The following ANK3 variants were observed in gnomAD, a reference collection of about 807,000 sequenced individuals.
ANK3 encodes the protein ankyrin 3, also known as ankyrin-3.
ANK3 carries 57 observed loss-of-function variants against 370.9 expected under a neutral mutation model. That is an observed-to-expected ratio of 0.15 (90% confidence interval 0.12 to 0.19). ANK3 has a LOEUF of 0.19. Ranked by LOEUF, ANK3 falls within the 10% of genes least tolerant of loss-of-function variation. The probability of loss-of-function intolerance (pLI) is 1.00; values close to 1 mark genes in which losing one functional copy is unlikely to be tolerated. For synonymous variants in ANK3, 1,929 were observed against 1,946.3 expected (o/e 0.99, Z 0.23); for missense variants, 4,439 against 5,302.1 (o/e 0.84, Z 5.06).
rs2072598010 is a variant in ANK3 at position 60,028,637 on chromosome 10, C to T, written c.*1209G>A. 6.6e-6 allele frequency: 1 copy of T among 152,560 alleles called. No individual in the cohort carries two copies. The highest frequency in any genetic ancestry group is 1.5e-5 in the Non-Finnish European group (1 of 68,024). 9.5% of individuals were successfully genotyped at this position (152,560 alleles called of 1,614,324 possible). Reference sequence around the variant, plus strand: ...AGAATGGTTACAAATGATTGGCTTACTGAAAGGTGTCTACATCTTATAGCC... The same window carrying T: ...AGAATGGTTACAAATGATTGGCTTATTGAAAGGTGTCTACATCTTATAGCC... On this transcript the variant is annotated 3_prime_UTR_variant, in exon 44 of 44. Transcript: ENST00000280772.
At chr10:60,361,049 A>T (rs967045699) in intron 1 of ANK3, among the ~76,000 whole-genome samples, 1 of 152,210 alleles carries the variant, frequency 6.6e-6, no homozygotes, top group African/African-American at 2.4e-5. Flanking sequence ...AATCTTTACT[A>T]GTCTGAAAAC....
At chr10:60,406,653 G>A (rs894398966) in intron 2 of ANK3, among the ~76,000 whole-genome samples, 2 of 152,204 alleles carry the variant, frequency 1.3e-5, no homozygotes, top group African/African-American at 4.8e-5. Context: ...CAGCCCGGGG[G>A]CTGAGGGCTC....
Position 60,477,582 on chromosome 10 carries a change from G to A in ANK3, c.96+137604C>T, listed in dbSNP as rs533721087. ...ACACCAGGTAGCATGAAGAATAGTG[G>A]AAAACAAAGTGTTACAGGGCTATTA... On this transcript the variant is annotated intron_variant, in intron 2 of 43. Transcript: ENST00000373827. Among the ~76,000 whole-genome samples, 856 of 145,616 alleles carry A rather than the reference G, an allele frequency of 5.9e-3. 4 individuals are homozygous for A. Among genetic ancestry groups the A allele is most frequent in the Middle Eastern group, 0.011 (3 of 272 alleles).
At chr10:60,212,887 A>ATT (rs1358925714) in intron 9 of ANK3, among the ~76,000 whole-genome samples, 1 of 152,150 alleles carries the variant, frequency 6.6e-6, no homozygotes. Flanking sequence ...AAAAGTCTAA[A>ATT]AGAGAGTCAA....
At chr10:60,707,111 A>G (rs1245408263) in intron 1 of ANK3, among the ~76,000 whole-genome samples, 1 of 152,202 alleles carries the variant, frequency 6.6e-6, no homozygotes, top group East Asian at 1.9e-4. Context: ...GCCAAAAAAT[A>G]ATTTTTAAAA....
intron 23 of ANK3, 112 bp downstream of exon 23, chr10:60,166,479 C>T: frequency 1.2e-6 from 1 of 803,756 alleles, no homozygotes; most frequent in South Asian, 1.7e-5. Flanking sequence ...TTAATAATCT[C>T]AAGATAATAT....
chr10:60,211,792 T>C (rs757234836), intron 9 of ANK3, among the ~76,000 whole-genome samples: 3 of 148,570 alleles, frequency 2.0e-5, no homozygotes, highest in Non-Finnish European at 3.0e-5. Flanking sequence ...TGCCACCTGA[T>C]CAGCACTGCC....
chr10:60,556,952 G>A (rs1405913688), intron 2 of ANK3, among the ~76,000 whole-genome samples: 1 of 152,194 alleles, frequency 6.6e-6, no homozygotes, highest in African/African-American at 2.4e-5. Context: ...AACTGTGCAA[G>A]CGAGGGCTCT....
chr10:60,720,791 T>G (rs548272080), intron 1 of ANK3, among the ~76,000 whole-genome samples: 1 of 152,246 alleles, frequency 6.6e-6, no homozygotes, highest in East Asian at 1.9e-4. Context: ...TTTTGTATTT[T>G]TTGTAGAGAT....
intron 28 of ANK3, among the ~76,000 whole-genome samples, chr10:60,095,068 CTG>C (rs1357549219): frequency 1.3e-5 from 2 of 152,262 alleles, no homozygotes; most frequent in African/African-American, 4.8e-5. Context: ...CACACCCTGA[CTG>C]TGGGCCGCAT....
chr10:60,061,947 A>G (rs1405116876), intron 40 of ANK3: 1 of 152,096 alleles, frequency 6.6e-6, no homozygotes, highest in East Asian at 1.9e-4. Context: ...CTGCCTCCAC[A>G]CCATCATCAA....
At chr10:60,539,197 A>G (rs2076791075) in intron 2 of ANK3, among the ~76,000 whole-genome samples, 1 of 152,002 alleles carries the variant, frequency 6.6e-6, no homozygotes, top group East Asian at 1.9e-4. Context: ...ATCTTGAAAT[A>G]GAAATCTATG....
chr10:60,279,807 A>C (rs747127398), intron 1 of ANK3, among the ~76,000 whole-genome samples, 168 bp from the exon 2 acceptor site: 2 of 152,228 alleles, frequency 1.3e-5, no homozygotes, highest in African/African-American at 4.8e-5. Flanking sequence ...CACATTTTTT[A>C]AAAGTTAGTT....
At chr10:60,689,249 A>G (rs1470951563) in intron 1 of ANK3, among the ~76,000 whole-genome samples, 1 of 152,142 alleles carries the variant, frequency 6.6e-6, no homozygotes, top group African/African-American at 2.4e-5. Flanking sequence ...ACAATAAAAA[A>G]TTAGCCAGAT....
chr10:60,119,351 C>T (rs973164871), intron 25 of ANK3, among the ~76,000 whole-genome samples: 5 of 152,194 alleles, frequency 3.3e-5, no homozygotes, highest in South Asian at 2.1e-4. Context: ...TACTTAAAAC[C>T]GAAATATAAA....
chr10:60,336,810 G>A lies in ANK3; in HGVS notation c.114+52615C>T, dbSNP rs546561786. On this transcript the variant is annotated intron_variant, in intron 1 of 43. Coordinates refer to ENST00000280772, the MANE Select transcript of ANK3 (RefSeq NM_020987.5). The stretch of plus-strand genomic sequence containing the variant: ...ATTGAGAGCACCTTCACAGAACAAA[G>A]TGTATATTCAGTAAGAAAAGTACCC... Among the ~76,000 whole-genome samples the A allele has an allele frequency of 6.6e-5, 10 of 152,278 alleles. 1 individual carries two copies. In the South Asian group the frequency reaches 2.1e-3, roughly 32 times the overall value.
intron 1 of ANK3, among the ~76,000 whole-genome samples, chr10:60,381,524 A>AACAC (rs559535896): frequency 2.2e-4 from 34 of 152,348 alleles, no homozygotes; most frequent in African/African-American, 7.7e-4. Context: ...GTCTCTTAGT[A>AACAC]AAACTTCATT....
chr10:60,250,513 T>C (rs10994280), intron 7 of ANK3, among the ~76,000 whole-genome samples: 3,123 of 152,046 alleles, frequency 0.021, 74 homozygotes, highest in African/African-American at 0.055. Flanking sequence ...TACAGGTGCC[T>C]GCCACCACGC....
intron 7 of ANK3, among the ~76,000 whole-genome samples, chr10:60,249,849 C>T (rs2097621670): frequency 6.6e-6 from 1 of 152,114 alleles, no homozygotes; most frequent in Admixed American, 6.5e-5. Context: ...CCCAGCATGC[C>T]CCACCAGCTC....
Sources: allele counts gnomAD v4.1 joint callset (sites outside exome capture counted in the v4.1 genomes callset), GRCh38; gene constraint gnomAD v4.1.1; transcripts MANE v1.5; gene names NCBI Gene and HGNC (gene_info 2026-07-23, HGNC 2026-07-21).